Variants in NOL4L observed in about 807,000 individuals in gnomAD.
The protein encoded by NOL4L is nucleolar protein 4 like, also known as nucleolar protein 4-like.
In NOL4L, 7 loss-of-function variants were observed where a neutral mutation model predicts 64.5. The observed-to-expected ratio is 0.11, with a 90% CI of 0.06 to 0.20. The LOEUF (loss-of-function observed/expected upper bound fraction) is 0.20, where lower values mean the gene tolerates loss of function less well. NOL4L is among the 10% of genes least tolerant of loss of function. The pLI is 1.00. For missense variants in NOL4L, 680 were observed against 967.1 expected (o/e 0.70, Z 3.94); for synonymous variants, 413 against 401.0 (o/e 1.03, Z -0.36).
chr20:32,447,755 G>C lies in NOL4L; in HGVS notation c.1884C>G (p.Thr628=). ...GCCTGCTGGTGCTGGTGCTGGAGGG[G>C]GTGGGCGTGGGGGTGGTGGAGGTGG... The part of the protein sequence containing the change: ...ASTTSTTPTP[T]PSSTSTSRPV... The change falls in exon 11 of 11, where the codon ACC becomes ACG. Residue 628 remains threonine, a synonymous_variant. Coordinates refer to ENST00000621426, the MANE Select transcript of NOL4L (RefSeq NM_001256798.2). 1 of 1,596,232 alleles carries C rather than the reference G, an allele frequency of 6.3e-7. No individual in the cohort carries two copies.
chr20:32,581,241 C>G (rs1422641808), intron 1 of NOL4L, among the ~76,000 whole-genome samples: 1 of 152,200 alleles, frequency 6.6e-6, no homozygotes, highest in Non-Finnish European at 1.5e-5. Flanking sequence ...CTCCCCCACG[C>G]CCAGGCTTCT....
intron 1 of NOL4L, among the ~76,000 whole-genome samples, chr20:32,583,652 C>A (rs1033130715): frequency 2.0e-5 from 3 of 149,740 alleles, no homozygotes; most frequent in African/African-American, 4.9e-5. Context: ...GGCCGCCCCC[C>A]CCCCAGCCCC....
At chr20:32,576,749 C>T (rs1431642901) in intron 1 of NOL4L, among the ~76,000 whole-genome samples, 1 of 152,162 alleles carries the variant, frequency 6.6e-6, no homozygotes, top group Admixed American at 6.5e-5. Context: ...CCGCCCAGGC[C>T]AGGCCTGCAG....
At chr20:32,501,066 CCAAGT>C (rs2016904988) in intron 4 of NOL4L, among the ~76,000 whole-genome samples, 1 of 152,098 alleles carries the variant, frequency 6.6e-6, no homozygotes, top group African/African-American at 2.4e-5. Flanking sequence ...GCCTTCCTTC[CCAAGT>C]GCACAGTGTG....
intron 5 of NOL4L, among the ~76,000 whole-genome samples, chr20:32,470,863 A>C (rs954522141): frequency 3.9e-5 from 6 of 152,228 alleles, no homozygotes; most frequent in Non-Finnish European, 8.8e-5. Context: ...CCCCTGCCAA[A>C]GGGGAGAGAG....
intron 9 of NOL4L, 48 bp from the exon 10 acceptor site, chr20:32,452,485 C>G (rs1321482148): frequency 2.0e-6 from 3 of 1,476,054 alleles, no homozygotes; most frequent in South Asian, 2.7e-5. Flanking sequence ...GGCAGCTGGC[C>G]CCAACTACCA....
chr20:32,536,646 C>G (rs2018537024), intron 1 of NOL4L, among the ~76,000 whole-genome samples: 1 of 150,058 alleles, frequency 6.7e-6, no homozygotes. Flanking sequence ...TGAGAGTAAC[C>G]ATGGCAACCC....
At chr20:32,516,167 G>A (rs910866344) in intron 3 of NOL4L, among the ~76,000 whole-genome samples, 17 of 152,062 alleles carry the variant, frequency 1.1e-4, no homozygotes, top group African/African-American at 3.6e-4. Flanking sequence ...AGGGGTGGGC[G>A]TCGAAGGATG....
intron 5 of NOL4L, among the ~76,000 whole-genome samples, chr20:32,474,096 C>A (rs1298231853): frequency 1.3e-5 from 2 of 152,242 alleles, no homozygotes; most frequent in African/African-American, 4.8e-5. Context: ...AGGGAAGAAT[C>A]CGGACAGCTC....
chr20:32,536,053 TCCC>T (rs1411895715), intron 1 of NOL4L: 1 of 985,518 alleles, frequency 1.0e-6, no homozygotes, highest in Non-Finnish European at 1.2e-6. Context: ...GGCCTCAGTT[TCCC>T]CCTGTGTGAG....
intron 4 of NOL4L, among the ~76,000 whole-genome samples, chr20:32,482,715 C>G (rs2015811660): frequency 6.6e-6 from 1 of 151,828 alleles, no homozygotes; most frequent in Admixed American, 6.6e-5. Context: ...CGTCCCCTCC[C>G]GGGAGGGACC....
intron 4 of NOL4L, among the ~76,000 whole-genome samples, chr20:32,488,877 T>C (rs1394497810): frequency 3.9e-5 from 4 of 103,518 alleles, no homozygotes; most frequent in African/African-American, 6.0e-5. Flanking sequence ...CTTTCTTTCT[T>C]TCTTTCTTTC....
chr20:32,546,113 A>G (rs1031068012), intron 1 of NOL4L, among the ~76,000 whole-genome samples: 1 of 150,236 alleles, frequency 6.7e-6, no homozygotes, highest in African/African-American at 2.5e-5. Context: ...ATGCCCGGCT[A>G]ATTTTTGTAT....
chr20:32,537,699 C>G (rs1026930738), intron 1 of NOL4L, among the ~76,000 whole-genome samples: 69 of 152,086 alleles, frequency 4.5e-4, no homozygotes, highest in African/African-American at 1.3e-3. Context: ...GTCCCAGCAT[C>G]GTGAGTAGCT....
chr20:32,512,525 C>CT (rs1393208964), intron 3 of NOL4L, among the ~76,000 whole-genome samples: 2 of 152,120 alleles, frequency 1.3e-5, no homozygotes, highest in Admixed American at 6.5e-5. Flanking sequence ...GATGCATGTT[C>CT]TTTTTGCAGA....
Position 32,478,273 on chromosome 20 carries a change from A to T in NOL4L, c.700-3531T>A, listed in dbSNP as rs867518331. On this transcript the variant is annotated intron_variant, in intron 4 of 10. Transcript: ENST00000621426. ...CACACACACACACACACACACACAC[A>T]CTCTCTCTCTCTCTCTCTCATGCAT... is the stretch of plus-strand genomic sequence containing the variant. 3.6e-3 allele frequency among the ~76,000 whole-genome samples: 517 copies of T among 143,400 alleles called. 1 individual carries two copies. Among genetic ancestry groups the T allele is most frequent in the Middle Eastern group, 0.01 (3 of 286 alleles). The allele number at this position is 143,400 out of a possible 152,430, so 94.1% of individuals were successfully genotyped here.
At chr20:32,530,001 G>C (rs1023589700) in intron 1 of NOL4L, among the ~76,000 whole-genome samples, 3 of 152,280 alleles carry the variant, frequency 2.0e-5, no homozygotes, top group Admixed American at 2.0e-4. Flanking sequence ...CGACATCTCA[G>C]GCCATCTGTA....
chr20:32,538,912 A>G (rs542167589), intron 1 of NOL4L, among the ~76,000 whole-genome samples: 4 of 152,206 alleles, frequency 2.6e-5, no homozygotes, highest in Non-Finnish European at 5.9e-5. Flanking sequence ...AGTAATGTGC[A>G]AACGACATGC....
chr20:32,461,856 A>G lies in NOL4L; in HGVS notation c.842-5461T>C, dbSNP rs530330385. The stretch of plus-strand genomic sequence containing the variant: ...CTGGCCTGTGCCCAGCCTTCACAGA[A>G]GCGGCCCCAGCCCTAGAGACCCAGA... On this transcript the variant is annotated intron_variant, in intron 5 of 10. Transcript: ENST00000621426. Among the ~76,000 whole-genome samples the G allele has an allele frequency of 2.6e-5, 4 of 151,864 alleles. No homozygotes were observed. The East Asian group carries it at 7.9e-4, about 30-fold the overall frequency.
Sources: gnomAD v4.1 joint callset for allele counts (sites outside exome capture counted in the v4.1 genomes callset) on GRCh38, gnomAD v4.1.1 for gene constraint, MANE v1.5 for transcripts, NCBI Gene and HGNC (gene_info 2026-07-23, HGNC 2026-07-21) for gene names.